Variants in HOOK3 observed in about 807,000 individuals in gnomAD.
HOOK3 encodes protein Hook homolog 3.
Under a neutral mutation model 116.3 loss-of-function variants are expected in HOOK3, and 24 were observed. The ratio of observed to expected loss-of-function variants is 0.21; its 90% CI spans 0.15 to 0.29. The LOEUF is 0.29. Ranked by LOEUF, HOOK3 falls within the 10% of genes least tolerant of loss-of-function variation. HOOK3 has a pLI of 1.00. For synonymous variants in HOOK3, 275 were observed against 283.0 expected, an observed-to-expected ratio of 0.97 and a Z score of 0.28; for missense variants, 632 against 830.2, an observed-to-expected ratio of 0.76 and a Z score of 2.93.
intron 6 of HOOK3, among the ~76,000 whole-genome samples, chr8:42,954,898 G>T (rs78000896): frequency 0.016 from 2,491 of 152,284 alleles, 31 homozygotes; most frequent in Non-Finnish European, 0.022. Flanking sequence ...AATTAGGGTA[G>T]GGGAAATTCT....
chr8:42,990,864 G>T (rs1424989402), intron 15 of HOOK3, among the ~76,000 whole-genome samples: 1 of 151,948 alleles, frequency 6.6e-6, no homozygotes, highest in Non-Finnish European at 1.5e-5. Flanking sequence ...TGGTTCCTTG[G>T]GCTTATGGAG....
At chr8:42,988,913 AT>A (rs1270322842) in intron 15 of HOOK3, among the ~76,000 whole-genome samples, 1 of 152,144 alleles carries the variant, frequency 6.6e-6, no homozygotes, top group African/African-American at 2.4e-5. Flanking sequence ...ACTGAATTTA[AT>A]GAGTATTTAT....
intron 16 of HOOK3, chr8:43,000,271 G>T (rs1196695872): frequency 7.8e-7 from 1 of 1,286,554 alleles, no homozygotes; most frequent in South Asian, 1.2e-5. Context: ...TCTGCTCAAG[G>T]CTATTGTAAG....
chr8:42,992,006 C>T (rs897052617), intron 15 of HOOK3, among the ~76,000 whole-genome samples: 1 of 152,146 alleles, frequency 6.6e-6, no homozygotes, highest in African/African-American at 2.4e-5. Context: ...AGCTCATTCA[C>T]TTCTTTGCTT....
intron 2 of HOOK3, among the ~76,000 whole-genome samples, chr8:42,912,994 C>G (rs1330825123): frequency 6.6e-6 from 1 of 152,186 alleles, no homozygotes; most frequent in Non-Finnish European, 1.5e-5. Context: ...ATAGTTGGAA[C>G]CATACACCAT....
At chr8:42,970,515 C>T (rs1808706892) in intron 11 of HOOK3, among the ~76,000 whole-genome samples, 1 of 152,076 alleles carries the variant, frequency 6.6e-6, no homozygotes, top group Non-Finnish European at 1.5e-5. Flanking sequence ...CGTGGTCTTC[C>T]ATGTCTTTGG....
At chr8:42,948,444 C>T (rs1808276828) in intron 5 of HOOK3, among the ~76,000 whole-genome samples, 1 of 152,174 alleles carries the variant, frequency 6.6e-6, no homozygotes, top group South Asian at 2.1e-4. Flanking sequence ...TATCATTTAG[C>T]ATTTTACGGT....
intron 16 of HOOK3, among the ~76,000 whole-genome samples, chr8:43,001,447 A>T (rs1466855070): frequency 6.6e-6 from 1 of 152,122 alleles, no homozygotes; most frequent in African/African-American, 2.4e-5. Flanking sequence ...TATTAATAGT[A>T]TATACTGTAT....
In HOOK3 at chr8:42,964,093, G is replaced by C. The variant is rs565331128; in HGVS notation, c.616-218G>C. ...GTGGTGGTGGGCGCCTGTAGTCCCAGCTACTCGGGAGGCTAAGGCAAAAGA... is the reference window on the plus strand; with the variant it reads ...GTGGTGGTGGGCGCCTGTAGTCCCACCTACTCGGGAGGCTAAGGCAAAAGA... On this transcript the variant is annotated intron_variant, in intron 8 of 21. Coordinates refer to ENST00000307602, the MANE Select transcript of HOOK3 (RefSeq NM_032410.4). Among the ~76,000 whole-genome samples the C allele has an allele frequency of 2.0e-5, 3 of 152,260 alleles. No individual in the cohort carries two copies. The East Asian group carries it at 5.8e-4, about 29-fold the overall frequency.
rs1809949954 is a variant in HOOK3 at position 43,027,310 on chromosome 8, TCA to T, written c.*8813_*8814del. ...TAACTTGAGTATATTAATATTCAAATCATAGTTCAAAAATACTGAAATACTTG... is the reference window on the plus strand; with the variant it reads ...TAACTTGAGTATATTAATATTCAAATTAGTTCAAAAATACTGAAATACTTG... On this transcript the variant is annotated 3_prime_UTR_variant, in exon 22 of 22. Transcript: ENST00000307602. 1 of 282,342 alleles carries T rather than the reference TCA, an allele frequency of 3.5e-6. No individual in the cohort carries two copies. Among genetic ancestry groups the T allele is most frequent in the South Asian group, 3.9e-5 (1 of 25,652 alleles). The allele number at this position is 282,342 out of a possible 1,614,324, so 17.5% of individuals were successfully genotyped here.
intron 19 of HOOK3, among the ~76,000 whole-genome samples, chr8:43,012,302 A>G (rs1280589707): frequency 6.6e-6 from 1 of 152,246 alleles, no homozygotes; most frequent in Non-Finnish European, 1.5e-5. Context: ...GCTTCTAGGT[A>G]CAAACCTGTA....
chr8:42,926,092 C>T (rs184258984), intron 3 of HOOK3, among the ~76,000 whole-genome samples: 41 of 152,174 alleles, frequency 2.7e-4, no homozygotes, highest in Non-Finnish European at 5.7e-4. Context: ...TTCCTAGTAA[C>T]CTTTAAGTAT....
At chr8:42,905,724 A>G (rs943744443) in intron 1 of HOOK3, among the ~76,000 whole-genome samples, 1 of 151,468 alleles carries the variant, frequency 6.6e-6, no homozygotes, top group East Asian at 1.9e-4. Context: ...AAAGTTTCCA[A>G]TTAGACTTCT....
At chr8:42,946,718 T>C (rs1016333175) in intron 5 of HOOK3, among the ~76,000 whole-genome samples, 2 of 151,892 alleles carry the variant, frequency 1.3e-5, no homozygotes, top group African/African-American at 2.4e-5. Flanking sequence ...ATATTTCTTT[T>C]CTCTAGCCCC....
intron 4 of HOOK3, among the ~76,000 whole-genome samples, chr8:42,939,868 C>T (rs1249286229): frequency 6.6e-6 from 1 of 150,746 alleles, no homozygotes; most frequent in African/African-American, 2.4e-5. Context: ...GAGGCGCTCC[C>T]CACATCTCAG....
intron 11 of HOOK3, among the ~76,000 whole-genome samples, chr8:42,970,805 T>TTTTTTTTTTTTTTG (rs1808713991): frequency 6.9e-6 from 1 of 145,416 alleles, no homozygotes; most frequent in African/African-American, 2.5e-5. Context: ...TTTTTTTTTC[T>TTTTTTTTTTTTTTG]GAGACAGGGT....
At chr8:42,939,064 A>C (rs972524708) in intron 4 of HOOK3, among the ~76,000 whole-genome samples, 38 of 152,204 alleles carry the variant, frequency 2.5e-4, no homozygotes, top group African/African-American at 8.4e-4. Context: ...ATCCCAAGGC[A>C]GAAGAATTTT....
intron 18 of HOOK3, 42 bp downstream of exon 18, chr8:43,007,971 G>C (rs765680858): frequency 3.0e-6 from 3 of 993,170 alleles, no homozygotes; most frequent in Middle Eastern, 2.1e-4. Context: ...TGGGCTTGCT[G>C]TATACTGCCA....
At chr8:42,910,055 C>T (rs1414858517) in intron 2 of HOOK3, among the ~76,000 whole-genome samples, 4 of 152,066 alleles carry the variant, frequency 2.6e-5, no homozygotes, top group Non-Finnish European at 4.4e-5. Context: ...GTGTATTTTG[C>T]AATTCTGAGG....
Sources: gnomAD v4.1 joint callset for allele counts (sites outside exome capture counted in the v4.1 genomes callset) on GRCh38, gnomAD v4.1.1 for gene constraint, MANE v1.5 for transcripts, NCBI Gene and HGNC (gene_info 2026-07-23, HGNC 2026-07-21) for gene names.